HPSE2: variants seen among roughly 807,000 people sequenced by gnomAD.
HPSE2 encodes the protein inactive heparanase-2.
A neutral mutation model predicts 60.5 loss-of-function variants in HPSE2; 38 were observed. That is an observed-to-expected ratio of 0.63 (90% CI 0.48 to 0.82). The LOEUF is 0.82. Ranked by LOEUF, HPSE2 falls within the 40% of genes least tolerant of loss-of-function variation. HPSE2 has a pLI of 0.00. For synonymous variants in HPSE2, 295 were observed against 293.2 expected (o/e 1.01, Z -0.06); for missense variants, 713 against 740.4 (o/e 0.96, Z 0.43).
rs545796251 is a variant in HPSE2 at position 99,184,284 on chromosome 10, G to A, written c.449-39885C>T. ...TCACACCTGTAATCTCAGCACTTTG[G>A]GAGGCCAAGACAGGCAGATCATTTG... On this transcript the variant is annotated intron_variant, in intron 2 of 11. Transcript: ENST00000370552. 2.0e-5 allele frequency among the ~76,000 whole-genome samples: 3 copies of A among 152,132 alleles called. No individual in the cohort carries two copies. The East Asian group carries it at 5.8e-4, about 29-fold the overall frequency.
intron 3 of HPSE2, among the ~76,000 whole-genome samples, chr10:98,929,602 T>C (rs886803635): frequency 1.4e-5 from 2 of 143,766 alleles, no homozygotes; most frequent in Non-Finnish European, 3.0e-5. Flanking sequence ...TGAAAGACTA[T>C]AGATAAGAGG....
intron 3 of HPSE2, among the ~76,000 whole-genome samples, chr10:98,814,418 A>G (rs1056374766): frequency 6.6e-6 from 1 of 152,180 alleles, no homozygotes; most frequent in Non-Finnish European, 1.5e-5. Context: ...AAATGACTAC[A>G]TAAATTTTTA....
chr10:99,244,912 T>A, the HPSE2 span, among the ~76,000 whole-genome samples: 2 of 152,004 alleles, frequency 1.3e-5, no homozygotes, highest in Non-Finnish European at 2.9e-5. Flanking sequence ...TGTCCCCACA[T>A]AAGCAGATCC....
rs367906901 is a variant in HPSE2, at chr10:98,556,309, A to G, written c.1320+58595T>C. The stretch of plus-strand genomic sequence containing the variant: ...AACAACAGATCCTAATAGAGATAGT[A>G]CGCTGCCCCCATTCACATACTTCTG... On this transcript the variant is annotated intron_variant, in intron 9 of 11. Transcript: ENST00000370552. Among the ~76,000 whole-genome samples the G allele has an allele frequency of 2.0e-5, 3 of 152,330 alleles. No individual in the cohort carries two copies. In the East Asian group the frequency reaches 5.8e-4, roughly 29 times the overall value.
intron 3 of HPSE2, among the ~76,000 whole-genome samples, chr10:98,932,199 A>C (rs918696367): frequency 2.8e-5 from 4 of 144,052 alleles, no homozygotes; most frequent in Admixed American, 1.4e-4. Context: ...ATTTTACTGA[A>C]GGCCTTTTCT....
chr10:99,156,253 G>T (rs1316081479), intron 2 of HPSE2, among the ~76,000 whole-genome samples: 1 of 116,508 alleles, frequency 8.6e-6, no homozygotes, highest in Non-Finnish European at 1.9e-5. Flanking sequence ...CATTTTATGA[G>T]GCCAGCATCA....
chr10:99,085,400 A>C (rs1259945206), intron 3 of HPSE2, among the ~76,000 whole-genome samples: 6 of 152,208 alleles, frequency 3.9e-5, no homozygotes, highest in African/African-American at 1.4e-4. Context: ...CCTGTGCTTT[A>C]AATCTACATC....
At chr10:98,938,501 G>T (rs1273014495) in intron 3 of HPSE2, among the ~76,000 whole-genome samples, 2 of 143,832 alleles carry the variant, frequency 1.4e-5, no homozygotes, top group Non-Finnish European at 3.0e-5. Context: ...GATGGAAGAT[G>T]AAATGAATGA....
chr10:99,112,400 C>A (rs1375725912), intron 3 of HPSE2, among the ~76,000 whole-genome samples: 1 of 146,746 alleles, frequency 6.8e-6, no homozygotes, highest in African/African-American at 2.6e-5. Flanking sequence ...CCACCATGCC[C>A]GGCTTTTTTT....
At chr10:98,925,667 G>C (rs1446813493) in intron 3 of HPSE2, among the ~76,000 whole-genome samples, 1 of 152,120 alleles carries the variant, frequency 6.6e-6, no homozygotes, top group Non-Finnish European at 1.5e-5. Context: ...GTAAGTCCAG[G>C]CTCCCTACTC....
intron 9 of HPSE2, among the ~76,000 whole-genome samples, chr10:98,515,479 A>G (rs1942572419): frequency 1.3e-5 from 2 of 152,214 alleles, no homozygotes; most frequent in Non-Finnish European, 1.5e-5. Flanking sequence ...ACTAGAAATT[A>G]TATTTTAGAA....
chr10:98,672,226 GA>G (rs145261955), intron 6 of HPSE2, among the ~76,000 whole-genome samples: 1,883 of 152,052 alleles, frequency 0.012, 37 homozygotes, highest in African/African-American at 0.042. Context: ...AGAAAAAGGG[GA>G]AAAAAATGAC....
intron 3 of HPSE2, among the ~76,000 whole-genome samples, chr10:98,972,801 C>A (rs1955989568): frequency 6.6e-6 from 1 of 152,138 alleles, no homozygotes; most frequent in African/African-American, 2.4e-5. Flanking sequence ...TAGTCCTGCC[C>A]TTAATCAGCA....
At chr10:99,182,221 A>G (rs1248644546) in intron 2 of HPSE2, among the ~76,000 whole-genome samples, 1 of 152,148 alleles carries the variant, frequency 6.6e-6, no homozygotes, top group Non-Finnish European at 1.5e-5. Flanking sequence ...ATTTTCCTCA[A>G]CTCCTCCAAA....
chr10:99,280,437 C>T, the HPSE2 span, among the ~76,000 whole-genome samples: 632 of 152,282 alleles, frequency 4.2e-3, 6 homozygotes, highest in African/African-American at 0.015. Context: ...TACATAAAAA[C>T]GGAACAAAAT....
intron 2 of HPSE2, among the ~76,000 whole-genome samples, chr10:99,168,459 GA>G: frequency 6.6e-6 from 1 of 152,260 alleles, no homozygotes; most frequent in African/African-American, 2.4e-5. Flanking sequence ...TTTATCTAGA[GA>G]TGTTCATGAA....
intron 3 of HPSE2, among the ~76,000 whole-genome samples, chr10:98,921,092 G>C (rs1954269835): frequency 3.9e-5 from 6 of 152,060 alleles, no homozygotes; most frequent in African/African-American, 1.4e-4. Flanking sequence ...GGTGACTTCA[G>C]GCATGTTTCC....
At chr10:99,218,718 C>T (rs749943690) in intron 2 of HPSE2, among the ~76,000 whole-genome samples, 2 of 152,200 alleles carry the variant, frequency 1.3e-5, no homozygotes, top group Non-Finnish European at 2.9e-5. Flanking sequence ...TCATTTGCTT[C>T]TACAAATGTT....
intron 3 of HPSE2, chr10:99,047,930 AT>A (rs1300069445): frequency 1.3e-6 from 1 of 754,320 alleles, no homozygotes; most frequent in Non-Finnish European, 2.4e-6. Flanking sequence ...GATCAGAGGT[AT>A]CGATGGTGTT....
Sources: allele counts gnomAD v4.1 joint callset (sites outside exome capture counted in the v4.1 genomes callset), GRCh38; gene constraint gnomAD v4.1.1; transcripts MANE v1.5; gene names NCBI Gene and HGNC (gene_info 2026-07-23, HGNC 2026-07-21).